The following RAPGEF6 variants were observed in gnomAD, a reference collection of about 807,000 sequenced individuals.
RAPGEF6 encodes PDZ domain containing guanine nucleotide exchange factor (GEF) 2.
In RAPGEF6, 56 loss-of-function variants were observed where a neutral mutation model predicts 171.4. The ratio of observed to expected loss-of-function variants is 0.33; its 90% CI spans 0.26 to 0.41. The LOEUF (loss-of-function observed/expected upper bound fraction) is 0.41, where lower values mean the gene tolerates loss of function less well. Among genes scored for constraint, RAPGEF6 ranks in the 10% least tolerant of loss-of-function variants. The pLI is 1.00. For missense variants in RAPGEF6, 1,674 were observed against 1,921.4 expected (o/e 0.87, Z 2.41); for synonymous variants, 692 against 650.1 (o/e 1.06, Z -0.98).
intron 6 of RAPGEF6, among the ~76,000 whole-genome samples, chr5:131,534,657 C>A (rs1397142402): frequency 2.1e-5 from 3 of 144,900 alleles, no homozygotes; most frequent in African/African-American, 5.1e-5. Flanking sequence ...AGTTGGAATT[C>A]CACTTGATAC....
chr5:131,613,700 T>C (rs1200856060), intron 1 of RAPGEF6, among the ~76,000 whole-genome samples: 1 of 152,086 alleles, frequency 6.6e-6, no homozygotes, highest in Non-Finnish European at 1.5e-5. Context: ...CAAAAATAGC[T>C]ACAGTGTGGC....
At chr5:131,622,211 A>G (rs138270601) in intron 1 of RAPGEF6, among the ~76,000 whole-genome samples, 19 of 152,282 alleles carry the variant, frequency 1.2e-4, no homozygotes, top group Admixed American at 1.2e-3. Flanking sequence ...ATGGTAACCT[A>G]TTTTAGTTTG....
intron 6 of RAPGEF6, among the ~76,000 whole-genome samples, chr5:131,535,323 T>C (rs183767958): frequency 6.6e-6 from 1 of 152,276 alleles, no homozygotes; most frequent in African/African-American, 2.4e-5. Context: ...ACCTTTTAAC[T>C]ACTGAATGAA....
At chr5:131,517,923 T>C (rs1758206440) in intron 7 of RAPGEF6, among the ~76,000 whole-genome samples, 2 of 152,082 alleles carry the variant, frequency 1.3e-5, no homozygotes, top group Non-Finnish European at 2.9e-5. Context: ...CTGTGTTTAT[T>C]CCTTTTACTC....
chr5:131,546,533 G>A (rs770410095), intron 6 of RAPGEF6, among the ~76,000 whole-genome samples: 6 of 152,034 alleles, frequency 3.9e-5, no homozygotes, highest in Non-Finnish European at 8.8e-5. Context: ...GAACCCAGGA[G>A]GCAGAGGTTG....
chr5:131,480,921 G>A (rs932104029), intron 15 of RAPGEF6, among the ~76,000 whole-genome samples: 8 of 150,932 alleles, frequency 5.3e-5, no homozygotes, highest in African/African-American at 1.9e-4. Flanking sequence ...TCATATCTTA[G>A]ATACTGCTTT....
At chr5:131,470,778 C>A (rs1175551465) in intron 17 of RAPGEF6, among the ~76,000 whole-genome samples, 2 of 152,110 alleles carry the variant, frequency 1.3e-5, no homozygotes, top group African/African-American at 4.8e-5. Context: ...TGAGGTAACA[C>A]TGGAGTTCAG....
intron 4 of RAPGEF6, among the ~76,000 whole-genome samples, chr5:131,566,906 C>T (rs924598652): frequency 1.1e-4 from 16 of 151,864 alleles, no homozygotes; most frequent in Admixed American, 6.6e-4. Context: ...GTCAGGAGTT[C>T]GAGACCAGCC....
chr5:131,608,722 C>G (rs1764756551), intron 1 of RAPGEF6, among the ~76,000 whole-genome samples: 1 of 152,106 alleles, frequency 6.6e-6, no homozygotes, highest in Non-Finnish European at 1.5e-5. Context: ...CTCACTCTCA[C>G]AGAAACCAAT....
At chr5:131,549,669 G>T (rs1426506438) in intron 5 of RAPGEF6, among the ~76,000 whole-genome samples, 6 of 151,666 alleles carry the variant, frequency 4.0e-5, no homozygotes, top group African/African-American at 1.5e-4. Context: ...AACACGGCAA[G>T]ACCCTGTCTC....
intron 17 of RAPGEF6, among the ~76,000 whole-genome samples, chr5:131,470,907 T>C (rs542811523): frequency 1.3e-5 from 2 of 152,194 alleles, no homozygotes; most frequent in South Asian, 2.1e-4. Flanking sequence ...GTTGAAGTAA[T>C]AGTGGGGAGA....
intron 6 of RAPGEF6, among the ~76,000 whole-genome samples, chr5:131,545,104 T>C (rs1760429362): frequency 6.6e-6 from 1 of 152,132 alleles, no homozygotes; most frequent in African/African-American, 2.4e-5. Flanking sequence ...GCTTCAAAAA[T>C]GTTATTACCA....
At chr5:131,587,663 C>T (rs747394947) in intron 4 of RAPGEF6, among the ~76,000 whole-genome samples, 2 of 152,138 alleles carry the variant, frequency 1.3e-5, no homozygotes, top group African/African-American at 4.8e-5. Context: ...GATATTGAAA[C>T]GACTCAAAGG....
At chr5:131,456,635 T>C (rs1399149268) in intron 19 of RAPGEF6, among the ~76,000 whole-genome samples, 1 of 152,210 alleles carries the variant, frequency 6.6e-6, no homozygotes, top group Non-Finnish European at 1.5e-5. Flanking sequence ...TATGAATCCT[T>C]TACCTCTACA....
intron 6 of RAPGEF6, 127 bp downstream of exon 6, chr5:131,547,920 T>C (rs1436791182): frequency 4.1e-6 from 4 of 975,252 alleles, no homozygotes; most frequent in Non-Finnish European, 6.1e-6. Flanking sequence ...AAAGATTATA[T>C]ATTTACCTGC....
intron 6 of RAPGEF6, among the ~76,000 whole-genome samples, chr5:131,528,143 CTA>C (rs1759047891): frequency 1.7e-5 from 2 of 115,036 alleles, no homozygotes; most frequent in African/African-American, 8.1e-5. Flanking sequence ...ATAATATATA[CTA>C]TATATAATAT....
intron 4 of RAPGEF6, among the ~76,000 whole-genome samples, chr5:131,580,151 C>A (rs1452235370): frequency 6.6e-6 from 1 of 152,122 alleles, no homozygotes; most frequent in Non-Finnish European, 1.5e-5. Context: ...TCGGGCATGG[C>A]GGGCTGCAGG....
At position 131,492,628 on chromosome 5, in the gene RAPGEF6, T is replaced by G; in HGVS notation, c.1685A>C (p.Glu562Ala). 6.2e-7 allele frequency: 1 copy of G among 1,614,198 alleles called. No homozygotes were observed. The highest frequency in any genetic ancestry group is 8.5e-7 in the Non-Finnish European group (1 of 1,180,028). The change falls in exon 14 of 28, where the codon GAA (glutamate) becomes GCA (alanine). Residue 562 changes from glutamate (E) to alanine (A), a missense_variant. Physicochemically the swap from Glu to Ala is moderately radical, Grantham distance 107. This residue lies in a region of RAPGEF6 where 1,116 missense variants were observed against 1,321.5 expected (regional missense o/e 0.84). Transcript: ENST00000509018. ...TGAATCAGCAGCTTTGCTACCAGGT[T>G]CTACTCCTTCAACAAAAATACCAAA... ...KGFGIFVEGV[E>A]PGSKAADSGL...
rs979119592 is a variant in RAPGEF6 at position 131,624,360 on chromosome 5, G to T, written c.69+10602C>A. ...CTATGCAATGCACAGAAACAGAAGAGATTTTAGTGTCAGGATATAAAGGAT... is the reference window on the plus strand; with the variant it reads ...CTATGCAATGCACAGAAACAGAAGATATTTTAGTGTCAGGATATAAAGGAT... On this transcript the variant is annotated intron_variant, in intron 1 of 27. Transcript: ENST00000509018. Among the ~76,000 whole-genome samples, 3 of 152,286 alleles carry T rather than the reference G, an allele frequency of 2.0e-5. No homozygotes were observed. In the East Asian group the frequency reaches 5.8e-4, roughly 29 times the overall value.
Sources: gnomAD v4.1 joint callset for allele counts (sites outside exome capture counted in the v4.1 genomes callset) on GRCh38, gnomAD v4.1.1 for gene constraint, gnomAD v4.1.1 regional missense constraint, MANE v1.5 for transcripts, NCBI Gene and HGNC (gene_info 2026-07-23, HGNC 2026-07-21) for gene names.